Variants in AFDN observed in about 807,000 individuals in gnomAD.
AFDN encodes the protein afadin.
A neutral mutation model predicts 216.6 loss-of-function variants in AFDN; 68 were observed. The ratio of observed to expected loss-of-function variants is 0.31; its 90% CI spans 0.26 to 0.38. The LOEUF is 0.38. Among genes scored for constraint, AFDN ranks in the 10% least tolerant of loss-of-function variants. The pLI, the probability that AFDN is intolerant of heterozygous loss-of-function variation, is 1.00. For synonymous variants in AFDN, 868 were observed against 853.7 expected (o/e 1.02, Z -0.29); for missense variants, 2,136 against 2,342.0 (o/e 0.91, Z 1.82).
rs1453185312 is a variant in AFDN at position 167,927,456 on chromosome 6, T to A, written c.3099+2365T>A. Among the ~76,000 whole-genome samples, 7 of 152,144 alleles carry A rather than the reference T, an allele frequency of 4.6e-5. No homozygotes were observed. The East Asian group carries it at 1.3e-3, about 29-fold the overall frequency. ...GTTAAGGAGTCTGTGCCTTATCTTG[T>A]AGGCACCACAAAGAAATGCAGGATT... On this transcript the variant is annotated intron_variant, in intron 23 of 33. Transcript: ENST00000683244.
Position 167,951,636 on chromosome 6 carries a change from AAGG to A in AFDN, c.4285_4287del (p.Glu1429del), listed in dbSNP as rs1795996109. 1 of 1,614,040 alleles carries A rather than the reference AAGG, an allele frequency of 6.2e-7. No individual in the cohort carries two copies. The highest frequency in any genetic ancestry group is 8.5e-7 in the Non-Finnish European group (1 of 1,179,978). ...AGAAGAACATCAGCGTTGGTATGAG[AAGG>A]AGAAGGCCCGCCTGGAGGAGGAGCG... is the stretch of plus-strand genomic sequence containing the variant. On this transcript the variant is annotated inframe_deletion, in exon 30 of 34. Transcript: ENST00000683244. The surrounding 1 kb of genome is among the most constrained non-coding windows in gnomAD (Gnocchi z 7.1).
intron 1 of AFDN, among the ~76,000 whole-genome samples, chr6:167,861,075 C>T (rs1383677491): frequency 3.3e-5 from 5 of 152,062 alleles, no homozygotes; most frequent in African/African-American, 4.8e-5. Flanking sequence ...TTGGACCTCC[C>T]CTCCTCTCCC....
chr6:167,897,642 CTTTTTTTTTTTTTT>C (rs57383020), intron 10 of AFDN, among the ~76,000 whole-genome samples: 2 of 89,724 alleles, frequency 2.2e-5, no homozygotes, highest in African/African-American at 5.1e-5. Context: ...GACTGTATGC[CTTTTTTTTTTTTTT>C]TTTTTTTTTT....
Position 167,956,044 on chromosome 6 carries a change from G to A in AFDN, c.4833+3857G>A, listed in dbSNP as rs543978565. On this transcript the variant is annotated intron_variant, in intron 30 of 33. Coordinates refer to ENST00000683244, the MANE Select transcript of AFDN (RefSeq NM_001386888.1). ...GCATGACACTTGCTCGAACCCAGGA[G>A]GTGGAGGTTGCAGTGACCAGAGATT... 1.3e-4 allele frequency among the ~76,000 whole-genome samples: 20 copies of A among 149,412 alleles called. No homozygotes were observed. The Middle Eastern group carries it at 0.01, about 77-fold the overall frequency.
chr6:167,849,658 G>A (rs532434071), intron 1 of AFDN, among the ~76,000 whole-genome samples: 6 of 152,270 alleles, frequency 3.9e-5, no homozygotes, highest in African/African-American at 1.4e-4. Flanking sequence ...ATATGTGTAT[G>A]TGTTAGCCTA....
intron 29 of AFDN, among the ~76,000 whole-genome samples, chr6:167,949,468 C>T (rs942782270): frequency 6.6e-6 from 1 of 152,162 alleles, no homozygotes; most frequent in African/African-American, 2.4e-5. Context: ...AAATGCTCCT[C>T]AGGCCACAGA....
Position 167,913,527 on chromosome 6 carries a change from A to G in AFDN, c.2058+104A>G, listed in dbSNP as rs78729625. 8.1e-4 allele frequency: 855 copies of G among 1,050,484 alleles called. 8 individuals carry two copies. The African/African-American group carries it at 0.012, about 15-fold the overall frequency. 65.1% of individuals were successfully genotyped at this position (1,050,484 alleles called of 1,614,324 possible). A position where few individuals can be genotyped will look rare whatever the true frequency, so the allele number is the denominator to read the frequency against. The stretch of plus-strand genomic sequence containing the variant: ...ATACAACAGCTGGACTGAACAGCTC[A>G]TAACACTCATTCAGCAACTGAGACA... On this transcript the variant is annotated intron_variant, in intron 16 of 33. Coordinates refer to ENST00000683244, the MANE Select transcript of AFDN (RefSeq NM_001386888.1).
At chr6:167,914,794 A>G in intron 18 of AFDN, 56 bp downstream of exon 18, 2 of 1,257,478 alleles carry the variant, frequency 1.6e-6, no homozygotes, top group Non-Finnish European at 2.3e-6. Context: ...GTTTAGCATC[A>G]TTTTAATGCT....
intron 22 of AFDN, 87 bp from the exon 23 acceptor site, chr6:167,924,918 A>G: frequency 1.1e-6 from 1 of 937,000 alleles, no homozygotes; most frequent in South Asian, 1.3e-5. Flanking sequence ...GCTCCAGTGA[A>G]CATGATTGAC....
intron 1 of AFDN, among the ~76,000 whole-genome samples, chr6:167,847,504 C>A (rs986039235): frequency 5.3e-5 from 8 of 152,148 alleles, no homozygotes; most frequent in African/African-American, 1.9e-4. Flanking sequence ...TCAGCCCTCT[C>A]CTAAGTCTTA....
chr6:167,911,814 C>T (rs1298680938), intron 15 of AFDN: 1 of 346,140 alleles, frequency 2.9e-6, no homozygotes, highest in East Asian at 6.7e-5. Flanking sequence ...ATAATATTAA[C>T]CATTTTGAAG....
rs776576063 is a variant in AFDN at position 167,918,728 on chromosome 6, CA to C, written c.2710-4del. The C allele has an allele frequency of 5.0e-6, 8 of 1,613,828 alleles. No individual in the cohort carries two copies. The Admixed American group carries it at 1.3e-4, about 27-fold the overall frequency. The stretch of plus-strand genomic sequence containing the variant: ...TCTTTTTAATTTTGCGTTTGTTTTC[CA>C]AACAGGATCTTATAGAAAATGTAGT... On this transcript the variant is annotated splice_region_variant and splice_polypyrimidine_tract_variant and intron_variant, in intron 20 of 33. Transcript: ENST00000683244.
At chr6:167,968,226 G>A (rs1166897303) in intron 32 of AFDN, among the ~76,000 whole-genome samples, 1 of 152,094 alleles carries the variant, frequency 6.6e-6, no homozygotes. Context: ...TTATCTAAAG[G>A]CCCGCTATAA....
At chr6:167,887,157 A>G (rs142395835) in intron 6 of AFDN, among the ~76,000 whole-genome samples, 4,507 of 152,132 alleles carry the variant, frequency 0.03, 100 homozygotes, top group African/African-American at 0.039. Flanking sequence ...CATCTGATAA[A>G]CTTTTTAACA....
intron 1 of AFDN, among the ~76,000 whole-genome samples, chr6:167,856,482 T>A (rs1164230486): frequency 6.6e-6 from 1 of 152,092 alleles, no homozygotes; most frequent in Non-Finnish European, 1.5e-5. Context: ...GTGCACATAC[T>A]CTTAGGTACT....
chr6:167,842,849 C>T (rs1296654087), intron 1 of AFDN, among the ~76,000 whole-genome samples: 1 of 152,136 alleles, frequency 6.6e-6, no homozygotes, highest in African/African-American at 2.4e-5. Flanking sequence ...TTCAAGTCCT[C>T]TGCCTTGGTG....
At chr6:167,904,255 T>C (rs1456000478) in intron 12 of AFDN, among the ~76,000 whole-genome samples, 1 of 152,072 alleles carries the variant, frequency 6.6e-6, no homozygotes, top group Non-Finnish European at 1.5e-5. Context: ...CTCTCCCAGT[T>C]TGGAGTGCAG....
chr6:167,971,029 GT>G lies in AFDN; in HGVS notation c.*1096del, dbSNP rs1332992285. On this transcript the variant is annotated 3_prime_UTR_variant, in exon 34 of 34. Coordinates refer to ENST00000683244, the MANE Select transcript of AFDN (RefSeq NM_001386888.1). ...TTAATTTTAATTTGTTGAATTATTA[GT>G]TACCACTGTCATTTCTTCAGCTATG... is the stretch of plus-strand genomic sequence containing the variant. The G allele has an allele frequency of 1.4e-5, 3 of 217,356 alleles. No homozygotes were observed. The highest frequency in any genetic ancestry group is 2.8e-5 in the Non-Finnish European group (3 of 108,216). 13.5% of individuals were successfully genotyped at this position (217,356 alleles called of 1,614,324 possible).
chr6:167,970,731 A>G lies in AFDN; in HGVS notation c.*796A>G, dbSNP rs375326039. On this transcript the variant is annotated 3_prime_UTR_variant, in exon 34 of 34. Coordinates refer to ENST00000683244, the MANE Select transcript of AFDN (RefSeq NM_001386888.1). ...AATTTAAAGATGACAGTTACCTTGG[A>G]AAGTTCACTAATACTTCGCTCCAAG... The G allele has an allele frequency of 4.6e-6, 1 of 216,638 alleles. No homozygotes were observed. Among genetic ancestry groups the G allele is most frequent in the Non-Finnish European group, 9.3e-6 (1 of 107,726 alleles). 13.4% of individuals were successfully genotyped at this position (216,638 alleles called of 1,614,324 possible).
Sources: allele counts gnomAD v4.1 joint callset (sites outside exome capture counted in the v4.1 genomes callset), GRCh38; gene constraint gnomAD v4.1.1; non-coding constraint Gnocchi (gnomAD v3.1); transcripts MANE v1.5; gene names NCBI Gene and HGNC (gene_info 2026-07-23, HGNC 2026-07-21).